The following GPCPD1 variants were observed in gnomAD, a reference collection of about 807,000 sequenced individuals.
GPCPD1 encodes glycerophosphocholine phosphodiesterase 1, also known as glycerophosphocholine phosphodiesterase GPCPD1.
Under a neutral mutation model 89.2 loss-of-function variants are expected in GPCPD1, and 29 were observed. That is an observed-to-expected ratio of 0.33 (90% CI 0.24 to 0.44). The LOEUF (loss-of-function observed/expected upper bound fraction) is 0.44. GPCPD1 is among the 20% of genes least tolerant of loss of function. The probability of loss-of-function intolerance (pLI) is 1.00; values close to 1 mark genes in which losing one functional copy is unlikely to be tolerated. For synonymous variants in GPCPD1, 258 were observed against 266.3 expected, an observed-to-expected ratio of 0.97 and a Z score of 0.30; for missense variants, 594 against 808.9, an observed-to-expected ratio of 0.73 and a Z score of 3.22.
At chr20:5,591,790 TG>T (rs1979345260) in intron 4 of GPCPD1, among the ~76,000 whole-genome samples, 1 of 152,182 alleles carries the variant, frequency 6.6e-6, no homozygotes, top group African/African-American at 2.4e-5. Context: ...GCCATATGCA[TG>T]GGATTTTATG....
At chr20:5,550,508 C>G in intron 19 of GPCPD1, among the ~76,000 whole-genome samples, 1 of 152,086 alleles carries the variant, frequency 6.6e-6, no homozygotes, top group Non-Finnish European at 1.5e-5. Context: ...CAAAGCCAGA[C>G]CCACAAGAAA....
chr20:5,582,851 T>C (rs987301274), intron 6 of GPCPD1, among the ~76,000 whole-genome samples: 8 of 150,076 alleles, frequency 5.3e-5, no homozygotes, highest in Non-Finnish European at 1.2e-4. Context: ...ATTGCGCCAC[T>C]GCATTCCAGC....
chr20:5,568,947 C>A (rs930055306), intron 12 of GPCPD1, among the ~76,000 whole-genome samples: 2 of 152,134 alleles, frequency 1.3e-5, no homozygotes, highest in Admixed American at 1.3e-4. Context: ...ATCAATTAAT[C>A]TCAATCTTGG....
At chr20:5,549,236 T>C in intron 19 of GPCPD1, 1 of 760,904 alleles carries the variant, frequency 1.3e-6, no homozygotes, top group East Asian at 3.0e-5. Context: ...CTCTACTGTG[T>C]CTTATTGGAG....
At chr20:5,574,368 T>G (rs1164637547) in intron 10 of GPCPD1, among the ~76,000 whole-genome samples, 2 of 152,098 alleles carry the variant, frequency 1.3e-5, no homozygotes, top group Non-Finnish European at 2.9e-5. Flanking sequence ...GAGAAACAAC[T>G]GACACACACA....
intron 6 of GPCPD1, among the ~76,000 whole-genome samples, chr20:5,582,204 A>C (rs1432889556): frequency 8.4e-5 from 12 of 142,134 alleles, no homozygotes; most frequent in Non-Finnish European, 1.7e-4. Flanking sequence ...AAAAAAAAAA[A>C]AAAAAAAAAA....
chr20:5,607,821 T>TAAA (rs11478411), intron 1 of GPCPD1, among the ~76,000 whole-genome samples: 1 of 112,946 alleles, frequency 8.9e-6, no homozygotes, highest in Non-Finnish European at 2.0e-5. Flanking sequence ...CTGTCTCAAA[T>TAAA]AAAAAAAAAA....
chr20:5,595,813 G>GT (rs1979683846), intron 3 of GPCPD1, among the ~76,000 whole-genome samples: 1 of 151,634 alleles, frequency 6.6e-6, no homozygotes, highest in South Asian at 2.1e-4. Flanking sequence ...AAAAGGGGGG[G>GT]GGACAAATTC....
chr20:5,581,191 T>C (rs1017058957), intron 6 of GPCPD1, among the ~76,000 whole-genome samples: 5 of 152,196 alleles, frequency 3.3e-5, no homozygotes, highest in African/African-American at 1.2e-4. Flanking sequence ...ATTCACACTG[T>C]AATAATACAT....
chr20:5,565,907 G>A (rs1291506782), intron 14 of GPCPD1, among the ~76,000 whole-genome samples: 1 of 151,986 alleles, frequency 6.6e-6, no homozygotes, highest in Non-Finnish European at 1.5e-5. Flanking sequence ...AAAATATCAA[G>A]TTTTTCTTAA....
chr20:5,550,395 G>T (rs1985338351), intron 19 of GPCPD1, among the ~76,000 whole-genome samples: 1 of 150,958 alleles, frequency 6.6e-6, no homozygotes. Flanking sequence ...CAAGAAAATT[G>T]AAAGGGTCAA....
In GPCPD1 at chr20:5,547,591, G is replaced by T; in HGVS notation, c.*70C>A. 1.3e-6 allele frequency: 1 copy of T among 759,744 alleles called. No individual in the cohort carries two copies. Among genetic ancestry groups the T allele is most frequent in the Non-Finnish European group, 2.2e-6 (1 of 450,086 alleles). The allele number at this position is 759,744 out of a possible 1,614,324, so 47.1% of individuals were successfully genotyped here. A position where few individuals can be genotyped will look rare whatever the true frequency, so the allele number is the denominator to read the frequency against. ...AGCCCAAAAGGCATAGATCAACAAT[G>T]CTCAGTGATGAAAAATGAATACCCA... On this transcript the variant is annotated 3_prime_UTR_variant, in exon 20 of 20. Transcript: ENST00000379019.
At chr20:5,547,887 T>C in intron 19 of GPCPD1, 37 bp from the exon 20 acceptor site, 2 of 1,197,596 alleles carry the variant, frequency 1.7e-6, no homozygotes, top group South Asian at 1.5e-5. Flanking sequence ...TAAAATACTG[T>C]AATTTTATGG....
chr20:5,562,778 A>T (rs1376130761), intron 15 of GPCPD1, among the ~76,000 whole-genome samples: 2 of 152,162 alleles, frequency 1.3e-5, no homozygotes, highest in Non-Finnish European at 2.9e-5. Context: ...CATCTAAAAC[A>T]GTTTGTATTC....
chr20:5,599,609 C>T (rs937130971), intron 2 of GPCPD1, among the ~76,000 whole-genome samples: 2 of 152,060 alleles, frequency 1.3e-5, no homozygotes, highest in African/African-American at 4.8e-5. Flanking sequence ...GGCTGGAGTG[C>T]AGTGTCATGA....
intron 19 of GPCPD1, among the ~76,000 whole-genome samples, chr20:5,554,254 G>GTGAGCC (rs1985617334): frequency 1.1e-5 from 1 of 87,292 alleles, no homozygotes; most frequent in Non-Finnish European, 2.3e-5. Context: ...AGAGTGCTGG[G>GTGAGCC]ATTACAGGCG....
intron 4 of GPCPD1, among the ~76,000 whole-genome samples, 179 bp from the exon 5 acceptor site, chr20:5,586,448 G>A (rs1978928348): frequency 6.6e-6 from 1 of 152,158 alleles, no homozygotes; most frequent in Non-Finnish European, 1.5e-5. Context: ...AAGATGAAAT[G>A]CTGGAAGAAA....
At chr20:5,607,946 C>T (rs1376083760) in intron 1 of GPCPD1, among the ~76,000 whole-genome samples, 1 of 152,144 alleles carries the variant, frequency 6.6e-6, no homozygotes, top group Admixed American at 6.6e-5. Context: ...ATAAGGTGCC[C>T]TTTCATTTGG....
At chr20:5,554,256 TTA>T (rs1985617911) in intron 19 of GPCPD1, among the ~76,000 whole-genome samples, 1 of 151,524 alleles carries the variant, frequency 6.6e-6, no homozygotes, top group Non-Finnish European at 1.5e-5. Context: ...AGTGCTGGGA[TTA>T]CAGGCGTGAG....
Sources: gnomAD v4.1 joint callset for allele counts (sites outside exome capture counted in the v4.1 genomes callset) on GRCh38, gnomAD v4.1.1 for gene constraint, MANE v1.5 for transcripts, NCBI Gene and HGNC (gene_info 2026-07-23, HGNC 2026-07-21) for gene names.